OLFM2: variants seen among roughly 807,000 people sequenced by gnomAD.
The protein encoded by OLFM2 is olfactomedin 2, also known as noelin-2.
Under a neutral mutation model 43.9 loss-of-function variants are expected in OLFM2, and 20 were observed. The ratio of observed to expected loss-of-function variants is 0.46; its 90% confidence interval spans 0.32 to 0.66. OLFM2 has a LOEUF of 0.66. OLFM2 is among the 30% of genes least tolerant of loss of function. OLFM2 has a pLI of 0.04. For synonymous variants in OLFM2, 268 were observed against 278.6 expected (o/e 0.96, Z 0.38); for missense variants, 416 against 643.6 (o/e 0.65, Z 3.83).
intron 5 of OLFM2, among the ~76,000 whole-genome samples, chr19:9,855,778 T>A (rs1398645053): frequency 6.6e-6 from 1 of 151,276 alleles, no homozygotes; most frequent in Non-Finnish European, 1.5e-5. Context: ...TCAAGTGATC[T>A]GCCTGCCTCG....
At chr19:9,911,665 T>C (rs1311511358) in intron 1 of OLFM2, among the ~76,000 whole-genome samples, 2 of 152,166 alleles carry the variant, frequency 1.3e-5, no homozygotes, top group African/African-American at 2.4e-5. Flanking sequence ...TTTGCACAGA[T>C]ACATATGCAC....
intron 1 of OLFM2, among the ~76,000 whole-genome samples, chr19:9,887,445 T>C (rs1294750068): frequency 6.6e-6 from 1 of 152,036 alleles, no homozygotes; most frequent in Non-Finnish European, 1.5e-5. Context: ...TCCCAAAGTG[T>C]TGGGATTACA....
At chr19:9,902,444 G>A (rs922720220) in intron 1 of OLFM2, among the ~76,000 whole-genome samples, 3 of 148,552 alleles carry the variant, frequency 2.0e-5, no homozygotes, top group Admixed American at 6.8e-5. Flanking sequence ...GTGCAATGGC[G>A]TGATCTCGGC....
intron 1 of OLFM2, among the ~76,000 whole-genome samples, chr19:9,923,571 G>A (rs1258010058): frequency 9.5e-5 from 9 of 95,046 alleles, no homozygotes; most frequent in South Asian, 3.1e-4. Context: ...AAAAAAAAAA[G>A]AAAGAAAAGA....
intron 1 of OLFM2, chr19:9,913,609 C>A: frequency 7.7e-7 from 1 of 1,306,244 alleles, no homozygotes. Context: ...TGAGCAGCGG[C>A]ACCGACATCG....
At chr19:9,855,682 A>G (rs909037873) in intron 5 of OLFM2, among the ~76,000 whole-genome samples, 1 of 151,928 alleles carries the variant, frequency 6.6e-6, no homozygotes, top group Non-Finnish European at 1.5e-5. Context: ...CTACAGGCAC[A>G]AGTCACCACG....
At chr19:9,913,348 G>T in intron 1 of OLFM2, 2 of 399,286 alleles carry the variant, frequency 5.0e-6, no homozygotes, top group Non-Finnish European at 7.1e-6. Context: ...CCCTACCCAG[G>T]CGTGCCGGGC....
chr19:9,929,521 G>A (rs10417385), intron 1 of OLFM2, among the ~76,000 whole-genome samples: 41,542 of 151,272 alleles, frequency 0.27, 6,667 homozygotes, highest in African/African-American at 0.45. Context: ...GCTTGAACTC[G>A]GGAGGTGGAG....
At position 9,857,795 on chromosome 19, in the gene OLFM2, G is replaced by A. The variant is rs769627537; in HGVS notation, c.280C>T (p.Arg94Cys). Residue 94 changes from arginine to cysteine, a missense_variant, in exon 3 of 6, where the codon CGC becomes TGC. Coordinates refer to ENST00000264833, the MANE Select transcript of OLFM2 (RefSeq NM_058164.4). The surrounding 1 kb of genome is among the most constrained non-coding windows in gnomAD (Gnocchi z 5.7). ...LRTYRDLQYV[R>C]GMETLMRSLD... ...CTCCGCATGAGGGTCTCCATGCCGC[G>A]TACATACTGGAGGTCGCGATACGTC... The A allele has an allele frequency of 1.9e-6, 3 of 1,614,094 alleles. No homozygotes were observed. The highest frequency in any genetic ancestry group is 1.1e-5 in the South Asian group (1 of 91,074).
At chr19:9,907,873 T>C (rs1425359982) in intron 1 of OLFM2, among the ~76,000 whole-genome samples, 3 of 151,376 alleles carry the variant, frequency 2.0e-5, no homozygotes, top group Admixed American at 6.6e-5. Context: ...GGCCTGGTGG[T>C]GCATGCCTGT....
intron 1 of OLFM2, among the ~76,000 whole-genome samples, chr19:9,914,781 G>A (rs1162769911): frequency 3.3e-5 from 5 of 151,952 alleles, no homozygotes; most frequent in African/African-American, 7.2e-5. Context: ...GAGGAGCGCC[G>A]GGCTAGTTTT....
Position 9,876,814 on chromosome 19 carries a change from C to T in OLFM2, c.64-16020G>A, listed in dbSNP as rs79558962. Among the ~76,000 whole-genome samples the T allele has an allele frequency of 9.4e-3, 1,436 of 152,202 alleles. 18 individuals are homozygous for T. The highest frequency in any genetic ancestry group is 0.033 in the African/African-American group (1,352 of 41,512). On this transcript the variant is annotated intron_variant, in intron 1 of 5. Coordinates refer to ENST00000264833, the MANE Select transcript of OLFM2 (RefSeq NM_058164.4). ...TTGTTAATATATCAGAATGGCTTAA[C>T]GTAATGTTATGGTTTGAATGTGTCC...
intron 1 of OLFM2, among the ~76,000 whole-genome samples, chr19:9,872,654 T>C (rs751676932): frequency 3.9e-5 from 6 of 152,202 alleles, no homozygotes; most frequent in Non-Finnish European, 2.9e-5. Context: ...TAGAAAGTGA[T>C]TGTGAATCCA....
intron 1 of OLFM2, among the ~76,000 whole-genome samples, chr19:9,935,608 C>T (rs2086510130): frequency 6.6e-6 from 1 of 152,112 alleles, no homozygotes; most frequent in African/African-American, 2.4e-5. Context: ...CACTCCAAGG[C>T]TCTCACACGG....
rs371083892 is a variant in OLFM2, at chr19:9,868,645, A to G, written c.64-7851T>C. Among the ~76,000 whole-genome samples the G allele has an allele frequency of 9.8e-5, 15 of 152,306 alleles. No individual in the cohort carries two copies. The East Asian group carries it at 2.7e-3, about 27-fold the overall frequency. ...TCTACAATGAACGTGTATTGTTCTT[A>G]TAAAGATTTTTAGGGCCGGGTGCAG... is the stretch of plus-strand genomic sequence containing the variant. On this transcript the variant is annotated intron_variant, in intron 1 of 5. Transcript: ENST00000264833.
chr19:9,916,541 G>A (rs1410705216), intron 1 of OLFM2, among the ~76,000 whole-genome samples: 5 of 152,146 alleles, frequency 3.3e-5, no homozygotes, highest in African/African-American at 1.2e-4. Context: ...GGGGAACCCA[G>A]CAGGGAAGTG....
chr19:9,920,377 G>A (rs905726616), intron 1 of OLFM2, among the ~76,000 whole-genome samples: 35 of 152,202 alleles, frequency 2.3e-4, no homozygotes, highest in African/African-American at 8.2e-4. Context: ...CTTAAATTTT[G>A]AGCCCAAGAT....
At chr19:9,895,466 G>A (rs2144968607) in intron 1 of OLFM2, among the ~76,000 whole-genome samples, 1 of 151,750 alleles carries the variant, frequency 6.6e-6, no homozygotes, top group African/African-American at 2.4e-5. Context: ...CTACACTCCA[G>A]CCTGGGTGAC....
chr19:9,890,402 T>C (rs2046628509), intron 1 of OLFM2, among the ~76,000 whole-genome samples: 2 of 152,160 alleles, frequency 1.3e-5, no homozygotes, highest in Admixed American at 1.3e-4. Flanking sequence ...CCTCCTGCCC[T>C]GCCTCAAGGA....
Sources: gnomAD v4.1 joint callset for allele counts (sites outside exome capture counted in the v4.1 genomes callset) on GRCh38, gnomAD v4.1.1 for gene constraint, Gnocchi (gnomAD v3.1) non-coding constraint, MANE v1.5 for transcripts, NCBI Gene and HGNC (gene_info 2026-07-23, HGNC 2026-07-21) for gene names.